GLI3: variants seen among roughly 807,000 people sequenced by gnomAD.
GLI3 encodes the protein GLI family zinc finger 3, also known as transcription activator GLI3.
A neutral mutation model predicts 100.8 loss-of-function variants in GLI3; 20 were observed. The ratio of observed to expected loss-of-function variants is 0.20; its 90% CI spans 0.14 to 0.29. The LOEUF is 0.29. Among genes scored for constraint, GLI3 ranks in the 10% least tolerant of loss-of-function variants. The pLI is 1.00. For synonymous variants in GLI3, 938 were observed against 860.5 expected, an observed-to-expected ratio of 1.09 and a Z score of -1.58; for missense variants, 2,040 against 2,128.5, an observed-to-expected ratio of 0.96 and a Z score of 0.82.
chr7:42,054,695 T>G (rs1206640655), intron 4 of GLI3, among the ~76,000 whole-genome samples: 2 of 152,150 alleles, frequency 1.3e-5, no homozygotes, highest in Non-Finnish European at 2.9e-5. Context: ...AGAAAAAATT[T>G]GCTTTTGTCC....
At chr7:42,238,028 C>T (rs868864820), upstream of GLI3, among the ~76,000 whole-genome samples, 14 of 143,838 alleles carry the variant, frequency 9.7e-5, no homozygotes, top group Non-Finnish European at 2.0e-4. Flanking sequence ...TCCTCCTTCT[C>T]CTCCTCCTCC....
intron 10 of GLI3, among the ~76,000 whole-genome samples, chr7:41,983,220 G>A (rs935036059): frequency 4.6e-5 from 7 of 152,268 alleles, no homozygotes; most frequent in African/African-American, 1.4e-4. Context: ...GAGCCCTCAA[G>A]CCTGAGAAAG....
At chr7:42,213,614 A>C (rs951305960) in intron 2 of GLI3, among the ~76,000 whole-genome samples, 3 of 152,222 alleles carry the variant, frequency 2.0e-5, no homozygotes, top group Non-Finnish European at 2.9e-5. Flanking sequence ...CTCTGAGTCC[A>C]TTCAATATTT....
intron 13 of GLI3, among the ~76,000 whole-genome samples, chr7:41,970,977 T>A (rs1787347957): frequency 6.6e-6 from 1 of 152,222 alleles, no homozygotes; most frequent in South Asian, 2.1e-4. Context: ...TGTATAAACA[T>A]CTTATTAAGA....
In GLI3 at chr7:42,088,943, G is replaced by A. The variant is rs371640792; in HGVS notation, c.368-12086C>T. On this transcript the variant is annotated intron_variant, in intron 3 of 14. Transcript: ENST00000395925. ...ACTGGCCCTTCATCTGGACTCAGCA[G>A]CTGCTTACCTTGTCTAACAAGACTC... Among the ~76,000 whole-genome samples the A allele has an allele frequency of 8.7e-4, 133 of 152,278 alleles. 5 individuals are homozygous for A. In the South Asian group the frequency reaches 0.027, roughly 31 times the overall value.
chr7:42,101,668 T>TTTCATTTATTTA (rs112027334), intron 3 of GLI3, among the ~76,000 whole-genome samples: 14 of 147,988 alleles, frequency 9.5e-5, no homozygotes, highest in Admixed American at 3.4e-4. Context: ...GCTAGTATCT[T>TTTCATTTATTTA]TTTATTTATT....
At chr7:42,184,621 T>A (rs1333501537) in intron 2 of GLI3, among the ~76,000 whole-genome samples, 2 of 152,158 alleles carry the variant, frequency 1.3e-5, no homozygotes, top group Non-Finnish European at 2.9e-5. Flanking sequence ...AGCCATGTAA[T>A]ATATGTTATG....
At chr7:42,221,151 T>C (rs1788478556) in intron 2 of GLI3, among the ~76,000 whole-genome samples, 1 of 152,180 alleles carries the variant, frequency 6.6e-6, no homozygotes, top group Non-Finnish European at 1.5e-5. Context: ...TTTCTGGTTG[T>C]TGTGGGGCTG....
intron 2 of GLI3, among the ~76,000 whole-genome samples, chr7:42,188,108 C>A (rs941735620): frequency 6.6e-6 from 1 of 151,370 alleles, no homozygotes; most frequent in African/African-American, 2.4e-5. Flanking sequence ...ACAAGCCAAG[C>A]AATAGCAAGG....
chr7:42,220,457 C>T (rs1347932590), intron 2 of GLI3, among the ~76,000 whole-genome samples: 3 of 152,136 alleles, frequency 2.0e-5, no homozygotes, highest in Non-Finnish European at 2.9e-5. Flanking sequence ...ACTTGGAAAT[C>T]CTGCACCCCA....
chr7:42,145,586 C>T, intron 3 of GLI3: 1 of 393,642 alleles, frequency 2.5e-6, no homozygotes, highest in Non-Finnish European at 4.4e-6. Context: ...AAACTGGTCT[C>T]AGGCAAGCAG....
At chr7:42,162,137 T>C (rs1413901764) in intron 2 of GLI3, among the ~76,000 whole-genome samples, 1 of 152,248 alleles carries the variant, frequency 6.6e-6, no homozygotes, top group Non-Finnish European at 1.5e-5. Context: ...GGGTAAGCAG[T>C]AATGTAAACA....
chr7:42,148,211 G>T lies in GLI3; in HGVS notation c.367+15C>A. ...CATAGCTCCTGAACAAGTGCCGACTGGCATGGGCACTTACGGTAGTGGGGC... is the reference window on the plus strand; with the variant it reads ...CATAGCTCCTGAACAAGTGCCGACTTGCATGGGCACTTACGGTAGTGGGGC... On this transcript the variant is annotated intron_variant, in intron 3 of 14. Transcript: ENST00000395925. The T allele has an allele frequency of 6.2e-7, 1 of 1,602,540 alleles. No individual in the cohort carries two copies. Among genetic ancestry groups the T allele is most frequent in the Non-Finnish European group, 8.5e-7 (1 of 1,173,600 alleles).
At chr7:41,968,725 A>AAAGAAAGAAAGAAAGAAAGAAAG (rs1787267353) in intron 13 of GLI3, among the ~76,000 whole-genome samples, 2 of 103,138 alleles carry the variant, frequency 1.9e-5, no homozygotes, top group African/African-American at 1.0e-4. Flanking sequence ...AGAAAGAAAG[A>AAAGAAAGAAAGAAAGAAAGAAAG]AAGAAAGAAA....
intron 1 of GLI3, among the ~76,000 whole-genome samples, chr7:42,234,427 G>T (rs1396595287): frequency 6.6e-6 from 1 of 152,182 alleles, no homozygotes; most frequent in East Asian, 1.9e-4. Flanking sequence ...ACAAAGGAAA[G>T]TCCAACTTTT....
At chr7:42,055,970 G>A (rs1583516281) in intron 4 of GLI3, among the ~76,000 whole-genome samples, 1 of 152,094 alleles carries the variant, frequency 6.6e-6, no homozygotes, top group African/African-American at 2.4e-5. Flanking sequence ...AGGCGGGTCT[G>A]TTCTCCTGAT....
intron 2 of GLI3, among the ~76,000 whole-genome samples, chr7:42,212,639 G>A (rs989592486): frequency 2.0e-5 from 3 of 152,090 alleles, no homozygotes; most frequent in Admixed American, 6.6e-5. Flanking sequence ...CCTAATAGAC[G>A]CTAATGAATT....
At chr7:42,253,637 C>T (rs1205447420) in intron 1 of GLI3, among the ~76,000 whole-genome samples, 1 of 152,180 alleles carries the variant, frequency 6.6e-6, no homozygotes, top group African/African-American at 2.4e-5. Flanking sequence ...TCTCCTCTTC[C>T]CACTCTGTGT....
chr7:42,159,218 C>T (rs1787076130), intron 2 of GLI3, among the ~76,000 whole-genome samples: 2 of 152,178 alleles, frequency 1.3e-5, no homozygotes, highest in Admixed American at 1.3e-4. Flanking sequence ...TTGGCTTGTG[C>T]TTAACTTAAC....
Sources: allele counts gnomAD v4.1 joint callset (sites outside exome capture counted in the v4.1 genomes callset), GRCh38; gene constraint gnomAD v4.1.1; transcripts MANE v1.5; gene names NCBI Gene and HGNC (gene_info 2026-07-23, HGNC 2026-07-21).